The following AGAP1 variants were observed in gnomAD, a reference collection of about 807,000 sequenced individuals.
The protein encoded by AGAP1 is ArfGAP with GTPase domain, ankyrin repeat and PH domain 1, also known as arf-GAP with GTPase, ANK repeat and PH domain-containing protein 1.
In AGAP1, 29 loss-of-function variants were observed where a neutral mutation model predicts 105.3. The ratio of observed to expected loss-of-function variants is 0.28; its 90% CI spans 0.21 to 0.38. AGAP1 has a LOEUF of 0.38. Among genes scored for constraint, AGAP1 ranks in the 10% least tolerant of loss-of-function variants. The pLI is 1.00. For synonymous variants in AGAP1, 509 were observed against 485.9 expected (o/e 1.05, Z -0.63); for missense variants, 998 against 1,165.1 (o/e 0.86, Z 2.09).
chr2:235,830,618 G>A lies in AGAP1; in HGVS notation c.1050+23287G>A, dbSNP rs1217323424. On this transcript the variant is annotated intron_variant, in intron 9 of 17. Coordinates refer to ENST00000304032, the MANE Select transcript of AGAP1 (RefSeq NM_001037131.3). The surrounding 1 kb of genome is among the most constrained non-coding windows in gnomAD (Gnocchi z 5.5). ...GGCTCAGGGGGCTTGGAGTTTATTT[G>A]TTGGGGGAAGCAATGTTGGTAGGGG... is the stretch of plus-strand genomic sequence containing the variant. Among the ~76,000 whole-genome samples, 1 of 147,376 alleles carries A rather than the reference G, an allele frequency of 6.8e-6. No individual in the cohort carries two copies. The highest frequency in any genetic ancestry group is 2.5e-5 in the African/African-American group (1 of 39,530).
In AGAP1 at chr2:236,089,327, T is replaced by C. The variant is rs570782130; in HGVS notation, c.2115-30865T>C. ...CTGGGCATTGCTACATATTCCTTGCTCTTCCGTAAAGGACACATGTGTCTC... is the reference window on the plus strand; with the variant it reads ...CTGGGCATTGCTACATATTCCTTGCCCTTCCGTAAAGGACACATGTGTCTC... On this transcript the variant is annotated intron_variant, in intron 16 of 17. Coordinates refer to ENST00000304032, the MANE Select transcript of AGAP1 (RefSeq NM_001037131.3). The surrounding 1 kb of genome is among the most constrained non-coding windows in gnomAD (Gnocchi z 5.6). 1.4e-4 allele frequency among the ~76,000 whole-genome samples: 21 copies of C among 152,372 alleles called. No individual in the cohort carries two copies. The East Asian group carries it at 3.9e-3, about 28-fold the overall frequency.
rs904119069 is a variant in AGAP1, at chr2:235,691,118, G to A, written c.164-18061G>A. On this transcript the variant is annotated intron_variant, in intron 1 of 17. Transcript: ENST00000304032. This position sits in a 1 kb window ranked among gnomAD's most constrained non-coding sequence, Gnocchi z 4.4. ...GACTCTGCTCCCTAGGCCGAGGTGA[G>A]GCCAGCAAGGAGTCTGCCCCATGCG... Among the ~76,000 whole-genome samples the A allele has an allele frequency of 3.9e-5, 6 of 152,152 alleles. No individual in the cohort carries two copies. The highest frequency in any genetic ancestry group is 1.4e-4 in the African/African-American group (6 of 41,440).
chr2:235,759,465 G>A (rs943281292), intron 6 of AGAP1, among the ~76,000 whole-genome samples: 26 of 152,310 alleles, frequency 1.7e-4, no homozygotes, highest in Admixed American at 8.5e-4. Flanking sequence ...CACCGCGCCC[G>A]GCCCTGGCAG....
Position 235,989,532 on chromosome 2 carries a change from A to G in AGAP1, c.1645+20909A>G, listed in dbSNP as rs2055469578. 6.6e-6 allele frequency among the ~76,000 whole-genome samples: 1 copy of G among 152,166 alleles called. No individual in the cohort carries two copies. Among genetic ancestry groups the G allele is most frequent in the African/African-American group, 2.4e-5 (1 of 41,448 alleles). ...AGGCAGCCCCAGGCAGGGCCTGGGC[A>G]CACTGGTGGCGTAGCTGAGGGGCTG... On this transcript the variant is annotated intron_variant, in intron 13 of 17. Transcript: ENST00000304032. This position sits in a 1 kb window ranked among gnomAD's most constrained non-coding sequence, Gnocchi z 4.4.
chr2:236,097,294 G>A (rs915239400), intron 16 of AGAP1, among the ~76,000 whole-genome samples: 12 of 149,864 alleles, frequency 8.0e-5, no homozygotes, highest in African/African-American at 1.7e-4. Flanking sequence ...ACACAGTGGC[G>A]TCTGTCTGAG....
chr2:235,850,075 C>G (rs1201393616), intron 9 of AGAP1, among the ~76,000 whole-genome samples: 2 of 152,212 alleles, frequency 1.3e-5, no homozygotes, highest in Non-Finnish European at 2.9e-5. Context: ...CCACCCACCC[C>G]ACGGTGTCCT....
rs181261182 is a variant in AGAP1, at chr2:236,012,163, A to C, written c.1646-24398A>C. ...ATTATTTCATCAATAGGTTAATAGA[A>C]AGCCGGGCTGCAAGTTCACTTCCTG... On this transcript the variant is annotated intron_variant, in intron 13 of 17. Coordinates refer to ENST00000304032, the MANE Select transcript of AGAP1 (RefSeq NM_001037131.3). The surrounding 1 kb of genome is among the most constrained non-coding windows in gnomAD (Gnocchi z 4.9). Among the ~76,000 whole-genome samples the C allele has an allele frequency of 2.6e-4, 39 of 152,188 alleles. No individual in the cohort carries two copies. The highest frequency in any genetic ancestry group is 8.9e-4 in the African/African-American group (37 of 41,518).
rs189967928 is a variant in AGAP1, at chr2:235,530,683, T to G, written c.163+35834T>G. 1.6e-3 allele frequency among the ~76,000 whole-genome samples: 240 copies of G among 152,252 alleles called. 1 individual carries two copies. The highest frequency in any genetic ancestry group is 3.8e-4 in the Non-Finnish European group (26 of 68,040). ...CCTTCTCCGGCTCCTCTGCTTTCTT[T>G]TTTCATTTGATAAGGACCCTTGTGA... On this transcript the variant is annotated intron_variant, in intron 1 of 17. Coordinates refer to ENST00000304032, the MANE Select transcript of AGAP1 (RefSeq NM_001037131.3).
chr2:235,812,136 T>G (rs1222138365), intron 9 of AGAP1, among the ~76,000 whole-genome samples: 4 of 152,156 alleles, frequency 2.6e-5, no homozygotes, highest in Non-Finnish European at 5.9e-5. Flanking sequence ...GCTCGGTGGA[T>G]GCACCAAAGG....
intron 6 of AGAP1, among the ~76,000 whole-genome samples, chr2:235,791,474 T>C (rs115603013): frequency 9.8e-4 from 150 of 152,288 alleles, no homozygotes; most frequent in African/African-American, 3.4e-3. Context: ...GTCCCTGATA[T>C]GCTGATATGC....
chr2:236,069,700 C>T (rs1258460068), intron 16 of AGAP1, among the ~76,000 whole-genome samples: 1 of 152,082 alleles, frequency 6.6e-6, no homozygotes, highest in African/African-American at 2.4e-5. Context: ...CTGGGATTAC[C>T]GGAGTGAGCC....
chr2:235,999,329 G>T (rs976333865), intron 13 of AGAP1, among the ~76,000 whole-genome samples: 3 of 136,382 alleles, frequency 2.2e-5, no homozygotes, highest in Admixed American at 2.1e-4. Context: ...GGTGGTGGTG[G>T]TGATGATGAT....
intron 10 of AGAP1, among the ~76,000 whole-genome samples, chr2:235,899,444 C>T (rs1167805624): frequency 2.0e-5 from 3 of 152,242 alleles, no homozygotes; most frequent in East Asian, 1.9e-4. Flanking sequence ...ACCCAGGAGG[C>T]GGAGGTTGCA....
chr2:236,068,849 C>T (rs529655054), intron 16 of AGAP1, among the ~76,000 whole-genome samples: 12 of 145,442 alleles, frequency 8.3e-5, no homozygotes, highest in African/African-American at 2.8e-4. Flanking sequence ...AGGATGTAGG[C>T]TAGGCATGGT....
intron 1 of AGAP1, among the ~76,000 whole-genome samples, chr2:235,503,253 C>G (rs995237703): frequency 6.6e-6 from 1 of 152,134 alleles, no homozygotes; most frequent in Non-Finnish European, 1.5e-5. Context: ...GTTGAGCTGC[C>G]CTTTTCAGTG....
At chr2:235,667,525 G>T (rs1244571635) in intron 1 of AGAP1, among the ~76,000 whole-genome samples, 1 of 152,092 alleles carries the variant, frequency 6.6e-6, no homozygotes, top group Non-Finnish European at 1.5e-5. Flanking sequence ...GAGCTGTGTA[G>T]CCCTGGGGAG....
chr2:235,602,201 T>A (rs1218014647), intron 1 of AGAP1, among the ~76,000 whole-genome samples: 1 of 152,224 alleles, frequency 6.6e-6, no homozygotes, highest in Admixed American at 6.5e-5. Flanking sequence ...GACAATGATA[T>A]GAAATTCATA....
intron 1 of AGAP1, among the ~76,000 whole-genome samples, chr2:235,605,287 C>T (rs948631344): frequency 1.2e-4 from 18 of 152,220 alleles, no homozygotes; most frequent in African/African-American, 4.3e-4. Flanking sequence ...TTTTGCATTT[C>T]ACGCCCCTCA....
chr2:236,034,611 G>A (rs114326537), intron 13 of AGAP1, among the ~76,000 whole-genome samples: 126 of 152,244 alleles, frequency 8.3e-4, no homozygotes, highest in African/African-American at 2.7e-3. Context: ...CCCCCATACC[G>A]TGTGGGCCAG....
Sources: gnomAD v4.1 joint callset for allele counts (sites outside exome capture counted in the v4.1 genomes callset) on GRCh38, gnomAD v4.1.1 for gene constraint, Gnocchi (gnomAD v3.1) non-coding constraint, MANE v1.5 for transcripts, NCBI Gene and HGNC (gene_info 2026-07-23, HGNC 2026-07-21) for gene names.